Variants in CRY2 observed in about 807,000 individuals in gnomAD.
The protein encoded by CRY2 is cryptochrome circadian regulator 2.
A neutral mutation model predicts 69.5 loss-of-function variants in CRY2; 31 were observed. The ratio of observed to expected loss-of-function variants is 0.45; its 90% CI spans 0.34 to 0.60. The LOEUF is 0.60. Among genes scored for constraint, CRY2 ranks in the 20% least tolerant of loss-of-function variants. CRY2 has a pLI of 0.02. For missense variants in CRY2, 606 were observed against 797.8 expected, an observed-to-expected ratio of 0.76 and a Z score of 2.90; for synonymous variants, 303 against 312.2, an observed-to-expected ratio of 0.97 and a Z score of 0.31.
intron 5 of CRY2, among the ~76,000 whole-genome samples, chr11:45,865,549 C>T (rs1459449330): frequency 1.3e-5 from 2 of 152,168 alleles, no homozygotes; most frequent in East Asian, 3.8e-4. Flanking sequence ...AGGAGGAAGC[C>T]TTGAGGTTGC....
At chr11:45,867,510 T>C (rs2086340379) in intron 5 of CRY2, 102 bp from the exon 6 acceptor site, 4 of 1,473,030 alleles carry the variant, frequency 2.7e-6, no homozygotes, top group Non-Finnish European at 3.7e-6. Flanking sequence ...CATGGCTGGC[T>C]GTTCTGTGAC....
chr11:45,855,707 C>T (rs1239044298), intron 1 of CRY2, among the ~76,000 whole-genome samples: 5 of 152,202 alleles, frequency 3.3e-5, no homozygotes, highest in Admixed American at 6.5e-5. Context: ...TGGGTACTAA[C>T]ATCAGCTTCA....
chr11:45,850,681 A>T (rs537965377), intron 1 of CRY2, among the ~76,000 whole-genome samples: 1 of 152,172 alleles, frequency 6.6e-6, no homozygotes, highest in South Asian at 2.1e-4. Flanking sequence ...GGATTCCAAG[A>T]GTGGTCTAAG....
Position 45,872,086 on chromosome 11 carries a change from C to A in CRY2, c.1643-6C>A. 1 of 1,613,896 alleles carries A rather than the reference C, an allele frequency of 6.2e-7. No individual in the cohort carries two copies. ...CTGTGTGACCCTTTGACACGCTTCC[C>A]TACAGGCCCAAGACCACTACCCAGT... On this transcript the variant is annotated splice_polypyrimidine_tract_variant and splice_region_variant and intron_variant, in intron 10 of 11. Transcript: ENST00000616080.
At chr11:45,868,117 G>A (rs937754703) in intron 6 of CRY2, among the ~76,000 whole-genome samples, 3 of 152,234 alleles carry the variant, frequency 2.0e-5, no homozygotes, top group Non-Finnish European at 2.9e-5. Context: ...AGTCTGAAGT[G>A]GAAGAGCATA....
At chr11:45,878,316 A>G (rs982558997) in intron 11 of CRY2, among the ~76,000 whole-genome samples, 6 of 152,140 alleles carry the variant, frequency 3.9e-5, no homozygotes, top group African/African-American at 1.4e-4. Context: ...ATCTTCATGC[A>G]CTCTTTATCT....
Position 45,870,446 on chromosome 11 carries a change from C to T in CRY2, c.1463C>T (p.Pro488Leu). ...KCIIGVDYPR[P>L]IVNHAETSRL... ...ATCATTGGTGTGGACTACCCACGGC[C>T]CATCGTCAACCATGCCGAGACCAGC... Residue 488 changes from proline to leucine, a missense_variant, in exon 9 of 12, where the codon CCC becomes CTC. Coordinates refer to ENST00000616080, the MANE Select transcript of CRY2 (RefSeq NM_021117.5). 6.2e-7 allele frequency: 1 copy of T among 1,614,212 alleles called. No individual in the cohort carries two copies.
At chr11:45,848,201 A>G (rs1479004410) in intron 1 of CRY2, among the ~76,000 whole-genome samples, 1 of 152,110 alleles carries the variant, frequency 6.6e-6, no homozygotes, top group Non-Finnish European at 1.5e-5. Flanking sequence ...CCTACCACCC[A>G]TCCTGGCTAC....
intron 1 of CRY2, among the ~76,000 whole-genome samples, chr11:45,849,535 A>G (rs959566250): frequency 6.6e-6 from 1 of 152,180 alleles, no homozygotes; most frequent in African/African-American, 2.4e-5. Context: ...GGGACAGACT[A>G]GAGCAGTGGT....
At position 45,862,040 on chromosome 11, in the gene CRY2, T is replaced by G; in HGVS notation, c.653-20T>G. 6.2e-7 allele frequency: 1 copy of G among 1,608,640 alleles called. No homozygotes were observed. The highest frequency in any genetic ancestry group is 8.5e-7 in the Non-Finnish European group (1 of 1,176,486). On this transcript the variant is annotated intron_variant, in intron 4 of 11. Coordinates refer to ENST00000616080, the MANE Select transcript of CRY2 (RefSeq NM_021117.5). ...TGAAATGGTCAAACCTCCTGTCTTGTGACCTTTCCTTCTCTTCAGGGTTCC... is the reference window on the plus strand; with the variant it reads ...TGAAATGGTCAAACCTCCTGTCTTGGGACCTTTCCTTCTCTTCAGGGTTCC...
Position 45,847,498 on chromosome 11 carries a change from C to G in CRY2, c.8C>G (p.Ala3Gly), listed in dbSNP as rs564265786. ...GGAGCAGTCTGGACAGTCATGGCGG[C>G]GACTGTGGCGACGGCGGCAGCTGTG... MA[A>G]TVATAAAVAP... The change falls in exon 1 of 12, where the codon GCG becomes GGG. Residue 3 changes from alanine (A) to glycine (G), a missense_variant. Coordinates refer to ENST00000616080, the MANE Select transcript of CRY2 (RefSeq NM_021117.5). 3.1e-6 allele frequency: 5 copies of G among 1,595,614 alleles called. No individual in the cohort carries two copies. The highest frequency in any genetic ancestry group is 2.2e-5 in the South Asian group (2 of 89,662).
chr11:45,867,589 G>A (rs368364614), intron 5 of CRY2, 23 bp from the exon 6 acceptor site: 2 of 1,613,750 alleles, frequency 1.2e-6, no homozygotes, highest in Non-Finnish European at 1.7e-6. Context: ...CTTTCCTTTT[G>A]CCACCTTCTC....
chr11:45,870,758 C>A, intron 9 of CRY2, 84 bp from the exon 10 acceptor site: 1 of 1,252,620 alleles, frequency 8.0e-7, no homozygotes. Flanking sequence ...CCTACCCTCC[C>A]CACCCCCACT....
chr11:45,870,491 T>C lies in CRY2; in HGVS notation c.1508T>C (p.Met503Thr). 1 of 1,614,112 alleles carries C rather than the reference T, an allele frequency of 6.2e-7. No homozygotes were observed. The highest frequency in any genetic ancestry group is 2.2e-5 in the East Asian group (1 of 44,870). Residue 503 changes from methionine (M) to threonine (T), a missense_variant, in exon 9 of 12, where the codon ATG becomes ACG. By Grantham distance (81) the Met-to-Thr change is moderately conservative (BLOSUM62 -1). This residue lies in a region of CRY2 where 173 missense variants were observed against 213.7 expected (regional missense o/e 0.81). Transcript: ENST00000616080. ...ACCAGCCGGCTTAACATTGAACGAA[T>C]GAAGCAGATTTACCAGCAGCTTTCG... ...AETSRLNIER[M>T]KQIYQQLSRY...
chr11:45,871,665 A>G (rs990280378), intron 10 of CRY2, among the ~76,000 whole-genome samples: 9 of 152,218 alleles, frequency 5.9e-5, no homozygotes, highest in Admixed American at 5.2e-4. Context: ...GATGAGTAAC[A>G]TGAGATGGGA....
At chr11:45,854,384 C>T (rs1166155149) in intron 1 of CRY2, among the ~76,000 whole-genome samples, 1 of 152,166 alleles carries the variant, frequency 6.6e-6, no homozygotes, top group Non-Finnish European at 1.5e-5. Context: ...AACTAGAAAT[C>T]TTTAGAAATG....
At chr11:45,850,144 G>A (rs1248473785) in intron 1 of CRY2, among the ~76,000 whole-genome samples, 1 of 151,950 alleles carries the variant, frequency 6.6e-6, no homozygotes, top group Non-Finnish European at 1.5e-5. Flanking sequence ...AAGTAGCTGG[G>A]ACTGCAGGCA....
At chr11:45,876,806 A>G (rs535929302) in intron 11 of CRY2, among the ~76,000 whole-genome samples, 4 of 152,222 alleles carry the variant, frequency 2.6e-5, no homozygotes, top group Non-Finnish European at 5.9e-5. Flanking sequence ...GAAAGGCACT[A>G]GCAATTGGTA....
intron 3 of CRY2, 67 bp downstream of exon 3, chr11:45,858,940 C>A: frequency 6.4e-7 from 1 of 1,569,092 alleles, no homozygotes; most frequent in Admixed American, 1.8e-5. Flanking sequence ...CCCTGCTGAG[C>A]GGAACTCAGA....
Sources: gnomAD v4.1 joint callset for allele counts (sites outside exome capture counted in the v4.1 genomes callset) on GRCh38, gnomAD v4.1.1 for gene constraint, gnomAD v4.1.1 regional missense constraint, MANE v1.5 for transcripts, NCBI Gene and HGNC (gene_info 2026-07-23, HGNC 2026-07-21) for gene names.